JAZF1: variants seen among roughly 807,000 people sequenced by gnomAD.
JAZF1 encodes the protein JAZF zinc finger 1.
Under a neutral mutation model 26.4 loss-of-function variants are expected in JAZF1, and 8 were observed. The observed-to-expected ratio is 0.30, with a 90% CI of 0.18 to 0.55. The LOEUF (loss-of-function observed/expected upper bound fraction) is 0.55. Among genes scored for constraint, JAZF1 ranks in the 20% least tolerant of loss-of-function variants. The probability of loss-of-function intolerance (pLI) is 0.94; values close to 1 mark genes in which losing one functional copy is unlikely to be tolerated. For synonymous variants in JAZF1, 126 were observed against 122.3 expected (o/e 1.03, Z -0.20); for missense variants, 199 against 322.0 (o/e 0.62, Z 2.92).
At chr7:27,976,734 ACAT>A (rs1342931063) in intron 2 of JAZF1, among the ~76,000 whole-genome samples, 1 of 152,192 alleles carries the variant, frequency 6.6e-6, no homozygotes, top group African/African-American at 2.4e-5. Context: ...GATTTAAAAA[ACAT>A]CAAATGCTTC....
chr7:28,068,259 T>C (rs1217680794), intron 1 of JAZF1, among the ~76,000 whole-genome samples: 7 of 151,578 alleles, frequency 4.6e-5, no homozygotes, highest in Non-Finnish European at 8.8e-5. Flanking sequence ...TTGTAGTACT[T>C]TCAAGTGTGC....
chr7:28,123,719 C>T (rs1197295350), intron 1 of JAZF1, among the ~76,000 whole-genome samples: 2 of 152,198 alleles, frequency 1.3e-5, no homozygotes, highest in Non-Finnish European at 2.9e-5. Context: ...TGTACATACA[C>T]ATCTATAGCA....
chr7:27,870,439 T>TC (rs1216661663), intron 3 of JAZF1, among the ~76,000 whole-genome samples: 12 of 152,140 alleles, frequency 7.9e-5, no homozygotes, highest in Admixed American at 5.2e-4. Flanking sequence ...GATGAGTCTC[T>TC]CCTACACAAG....
chr7:28,021,566 C>T (rs1418630235), intron 1 of JAZF1, among the ~76,000 whole-genome samples: 2 of 152,140 alleles, frequency 1.3e-5, no homozygotes, highest in African/African-American at 4.8e-5. Flanking sequence ...AGGCCGCCAC[C>T]GCCTGTGGAA....
intron 3 of JAZF1, among the ~76,000 whole-genome samples, chr7:27,885,882 A>C (rs573865895): frequency 2.4e-4 from 36 of 152,342 alleles, no homozygotes; most frequent in Non-Finnish European, 4.3e-4. Flanking sequence ...AGCCCTCGCC[A>C]GGGCTGGTGA....
rs934859075 is a variant in JAZF1, at chr7:28,075,602, T to C, written c.116-83621A>G. ...TTTCCCCAAAAACCACATCATGCTC[T>C]ATAAACTGTTCTATAAGTGACTTAC... is the stretch of plus-strand genomic sequence containing the variant. On this transcript the variant is annotated intron_variant, in intron 1 of 4. Transcript: ENST00000283928. 8.5e-5 allele frequency among the ~76,000 whole-genome samples: 13 copies of C among 152,236 alleles called. No individual in the cohort carries two copies. The South Asian group carries it at 1.7e-3, about 19-fold the overall frequency.
chr7:28,025,038 T>C (rs1783069137), intron 1 of JAZF1, among the ~76,000 whole-genome samples: 1 of 152,222 alleles, frequency 6.6e-6, no homozygotes, highest in South Asian at 2.1e-4. Flanking sequence ...CAAGCTCTTC[T>C]CTGGGTCTGA....
rs181368953 is a variant in JAZF1, at chr7:28,075,333, A to G, written c.116-83352T>C. 1.3e-3 allele frequency among the ~76,000 whole-genome samples: 193 copies of G among 152,330 alleles called. 1 individual carries two copies. Among genetic ancestry groups the G allele is most frequent in the African/African-American group, 4.5e-3 (186 of 41,566 alleles). On this transcript the variant is annotated intron_variant, in intron 1 of 4. Coordinates refer to ENST00000283928, the MANE Select transcript of JAZF1 (RefSeq NM_175061.4). ...CTTCTCCCCACTCCTCCTGGACCAC[A>G]GAAGCTCATTTATTTACTTACAACA...
chr7:28,045,339 G>C (rs559975195), intron 1 of JAZF1, among the ~76,000 whole-genome samples: 1 of 152,132 alleles, frequency 6.6e-6, no homozygotes, highest in Admixed American at 6.6e-5. Flanking sequence ...ACAAAAGAAG[G>C]GGAAGCTGCC....
chr7:27,851,622 A>G (rs1244569966), intron 3 of JAZF1, among the ~76,000 whole-genome samples: 2 of 152,146 alleles, frequency 1.3e-5, no homozygotes, highest in Non-Finnish European at 2.9e-5. Flanking sequence ...TGAGCCCAGG[A>G]GGTCGAGGCT....
At chr7:27,955,091 A>G (rs188276415) in intron 2 of JAZF1, among the ~76,000 whole-genome samples, 12 of 152,324 alleles carry the variant, frequency 7.9e-5, no homozygotes, top group Admixed American at 5.2e-4. Flanking sequence ...TTCCAACTAA[A>G]TGACAATTAA....
At chr7:28,000,241 C>A (rs562471601) in intron 1 of JAZF1, among the ~76,000 whole-genome samples, 3 of 151,996 alleles carry the variant, frequency 2.0e-5, no homozygotes, top group Admixed American at 6.6e-5. Flanking sequence ...CCCCGACCCC[C>A]CATCCACACC....
intron 1 of JAZF1, among the ~76,000 whole-genome samples, chr7:28,112,623 A>G (rs1562591735): frequency 6.6e-6 from 1 of 152,182 alleles, no homozygotes; most frequent in Non-Finnish European, 1.5e-5. Context: ...AATTAGCCCC[A>G]AACTTGATTA....
intron 1 of JAZF1, among the ~76,000 whole-genome samples, chr7:28,056,434 C>CT (rs1783709550): frequency 1.1e-5 from 1 of 95,216 alleles, no homozygotes; most frequent in Admixed American, 1.0e-4. Flanking sequence ...ATTTCAACAA[C>CT]TACACACACA....
At chr7:27,987,137 C>A (rs1054710529) in intron 2 of JAZF1, among the ~76,000 whole-genome samples, 3 of 150,840 alleles carry the variant, frequency 2.0e-5, no homozygotes, top group African/African-American at 7.3e-5. Context: ...TGTGAGGAGC[C>A]CCTCTGCCTG....
chr7:27,930,196 T>G (rs562156456), intron 2 of JAZF1, among the ~76,000 whole-genome samples: 1 of 152,032 alleles, frequency 6.6e-6, no homozygotes, highest in African/African-American at 2.4e-5. Context: ...AGGGTTTCAC[T>G]GTGTTAGCCA....
At chr7:28,106,571 T>C (rs958133192) in intron 1 of JAZF1, among the ~76,000 whole-genome samples, 1 of 152,210 alleles carries the variant, frequency 6.6e-6, no homozygotes, top group African/African-American at 2.4e-5. Flanking sequence ...ATTATAGGCC[T>C]TTCTTGCTAT....
chr7:27,869,632 A>G (rs2128337628), intron 3 of JAZF1, among the ~76,000 whole-genome samples: 1 of 152,302 alleles, frequency 6.6e-6, no homozygotes, highest in East Asian at 1.9e-4. Flanking sequence ...CCTGTTTTCC[A>G]GAATCACATC....
At chr7:27,864,772 C>T (rs1033075168) in intron 3 of JAZF1, among the ~76,000 whole-genome samples, 1 of 152,170 alleles carries the variant, frequency 6.6e-6, no homozygotes, top group African/African-American at 2.4e-5. Flanking sequence ...GCAGGGAGCT[C>T]AGAGAGACAC....
Sources: gnomAD v4.1 joint callset for allele counts (sites outside exome capture counted in the v4.1 genomes callset) on GRCh38, gnomAD v4.1.1 for gene constraint, MANE v1.5 for transcripts, NCBI Gene and HGNC (gene_info 2026-07-23, HGNC 2026-07-21) for gene names.